The following DAPK1 variants were observed in gnomAD, a reference collection of about 807,000 sequenced individuals.
DAPK1 encodes the protein death-associated protein kinase 1.
Under a neutral mutation model 144.9 loss-of-function variants are expected in DAPK1, and 56 were observed. The observed-to-expected ratio is 0.39, with a 90% CI of 0.31 to 0.48. The LOEUF is 0.48. Ranked by LOEUF, DAPK1 falls within the 20% of genes least tolerant of loss-of-function variation. DAPK1 has a pLI of 0.95. For missense variants in DAPK1, 1,454 were observed against 1,875.4 expected (o/e 0.78, Z 4.15); for synonymous variants, 690 against 749.0 (o/e 0.92, Z 1.29).
intron 2 of DAPK1, among the ~76,000 whole-genome samples, chr9:87,570,993 A>C (rs923001604): frequency 6.6e-6 from 1 of 152,120 alleles, no homozygotes; most frequent in African/African-American, 2.4e-5. Context: ...ACTTGGTTTC[A>C]GTGAACTGGA....
At chr9:87,583,547 A>C (rs978229732) in intron 2 of DAPK1, among the ~76,000 whole-genome samples, 3 of 152,252 alleles carry the variant, frequency 2.0e-5, no homozygotes, top group African/African-American at 7.2e-5. Flanking sequence ...CAAGTTTAAG[A>C]AATGTCATGC....
intron 21 of DAPK1, among the ~76,000 whole-genome samples, chr9:87,689,964 T>C (rs1293088861): frequency 6.6e-6 from 1 of 152,224 alleles, no homozygotes; most frequent in Non-Finnish European, 1.5e-5. Flanking sequence ...TTCTTTACAC[T>C]CAGGATTGCT....
intron 18 of DAPK1, among the ~76,000 whole-genome samples, chr9:87,665,200 CTTG>C (rs35983169): frequency 0.079 from 11,034 of 139,084 alleles, 1,245 homozygotes; most frequent in African/African-American, 0.26. Context: ...CTATTTGTTT[CTTG>C]TTGGCTCTCC....
chr9:87,625,833 T>G (rs1829471318), intron 3 of DAPK1, among the ~76,000 whole-genome samples: 1 of 152,218 alleles, frequency 6.6e-6, no homozygotes, highest in Non-Finnish European at 1.5e-5. Flanking sequence ...AAAACATCAC[T>G]TTAAGCAAAG....
At chr9:87,678,140 T>A (rs1189057004) in intron 19 of DAPK1, among the ~76,000 whole-genome samples, 3 of 152,212 alleles carry the variant, frequency 2.0e-5, no homozygotes, top group Non-Finnish European at 4.4e-5. Flanking sequence ...CCTCGTGTTC[T>A]ACAGATCATG....
At position 87,706,282 on chromosome 9, in the gene DAPK1, C is replaced by A; in HGVS notation, c.3211C>A (p.Arg1071Ser). The A allele has an allele frequency of 6.2e-7, 1 of 1,612,798 alleles. No individual in the cohort carries two copies. Among genetic ancestry groups the A allele is most frequent in the Non-Finnish European group, 8.5e-7 (1 of 1,179,236 alleles). ...RGRYTVEDIQ[R>S]LVPDSDVEEL... ...CCGCTACACCGTGGAGGACATCCAGCGCCTGGTGCCCGACAGCGACGTGGA... is the reference window on the plus strand; with the variant it reads ...CCGCTACACCGTGGAGGACATCCAGAGCCTGGTGCCCGACAGCGACGTGGA... The change falls in exon 26 of 26, where the codon CGC becomes AGC. Residue 1071 changes from arginine to serine, a missense_variant. Physicochemically the swap from Arg to Ser is moderately radical, Grantham distance 110. Around this residue, in one of 2 missense-constraint regions of DAPK1, gnomAD observed 1,025 missense variants for 1,237.9 expected, o/e 0.83. Coordinates refer to ENST00000408954, the MANE Select transcript of DAPK1 (RefSeq NM_004938.4). The surrounding 1 kb of genome is among the most constrained non-coding windows in gnomAD (Gnocchi z 9.0).
Position 87,634,176 on chromosome 9 carries a change from C to A in DAPK1, c.285-3767C>A, listed in dbSNP as rs36210667. ...TGTGGCTGCTTTCATGATACATTAG[C>A]AGAGCTGAGTAGTTGGGACAGACTG... On this transcript the variant is annotated intron_variant, in intron 3 of 25. Transcript: ENST00000408954. 1.3e-3 allele frequency among the ~76,000 whole-genome samples: 197 copies of A among 152,348 alleles called. 1 individual carries two copies. Among genetic ancestry groups the A allele is most frequent in the African/African-American group, 4.5e-3 (189 of 41,582 alleles).
chr9:87,669,354 C>T (rs1173717113), intron 19 of DAPK1, among the ~76,000 whole-genome samples: 1 of 144,270 alleles, frequency 6.9e-6, no homozygotes, highest in East Asian at 2.2e-4. Context: ...GGGGGGGGGT[C>T]ACTGGGCTTC....
At chr9:87,506,052 C>G (rs991185160) in intron 2 of DAPK1, among the ~76,000 whole-genome samples, 6 of 152,190 alleles carry the variant, frequency 3.9e-5, no homozygotes, top group African/African-American at 1.4e-4. Context: ...ATTTTATCCA[C>G]CTGTGTTTAG....
At chr9:87,624,982 A>G (rs551318130) in intron 3 of DAPK1, among the ~76,000 whole-genome samples, 4 of 152,318 alleles carry the variant, frequency 2.6e-5, no homozygotes, top group South Asian at 2.1e-4. Flanking sequence ...AGTAGTTGAC[A>G]AACTACAGCC....
At chr9:87,679,035 T>G (rs1824505949) in intron 19 of DAPK1, among the ~76,000 whole-genome samples, 1 of 152,088 alleles carries the variant, frequency 6.6e-6, no homozygotes, top group South Asian at 2.1e-4. Context: ...CAGAAGTAAG[T>G]GAGCGCCTCC....
In DAPK1 at chr9:87,639,781, G is replaced by A. The variant is rs1225861498; in HGVS notation, c.603-8G>A. 6.2e-7 allele frequency: 1 copy of A among 1,613,464 alleles called. No homozygotes were observed. The highest frequency in any genetic ancestry group is 8.5e-7 in the Non-Finnish European group (1 of 1,179,612). On this transcript the variant is annotated splice_region_variant and splice_polypyrimidine_tract_variant and intron_variant, in intron 6 of 25. Coordinates refer to ENST00000408954, the MANE Select transcript of DAPK1 (RefSeq NM_004938.4). ...CATGTTTTTTTGTTTGTTTTGTGTTGTTTTTAGGAGTATCGGGGTAATAAC... is the reference window on the plus strand; with the variant it reads ...CATGTTTTTTTGTTTGTTTTGTGTTATTTTTAGGAGTATCGGGGTAATAAC...
In DAPK1 at chr9:87,516,759, C is replaced by T. The variant is rs185176506; in HGVS notation, c.62+17620C>T. ...CTTCCTACAGTATGTAGGCACCCTG[C>T]GATTGGGGCATTTTCCCATGTGCTA... On this transcript the variant is annotated intron_variant, in intron 2 of 25. Transcript: ENST00000408954. Among the ~76,000 whole-genome samples the T allele has an allele frequency of 1.8e-3, 274 of 152,172 alleles. 1 individual carries two copies. Among genetic ancestry groups the T allele is most frequent in the Non-Finnish European group, 2.8e-3 (188 of 68,012 alleles).
At chr9:87,695,874 C>T (rs1011380708) in intron 21 of DAPK1, among the ~76,000 whole-genome samples, 1 of 152,184 alleles carries the variant, frequency 6.6e-6, no homozygotes, top group South Asian at 2.1e-4. Flanking sequence ...TCTTTTCACC[C>T]ACCTTCTCTC....
rs142749806 is a variant in DAPK1, at chr9:87,514,059, G to C, written c.62+14920G>C. 2.5e-3 allele frequency among the ~76,000 whole-genome samples: 388 copies of C among 152,286 alleles called. 1 individual carries two copies. Among genetic ancestry groups the C allele is most frequent in the African/African-American group, 9.0e-3 (373 of 41,546 alleles). On this transcript the variant is annotated intron_variant, in intron 2 of 25. Coordinates refer to ENST00000408954, the MANE Select transcript of DAPK1 (RefSeq NM_004938.4). ...TGTCTCCAGACATTGCTAAATGTGTGAGGGGGCGCAAAATTCCCCCACCCT... is the reference window on the plus strand; with the variant it reads ...TGTCTCCAGACATTGCTAAATGTGTCAGGGGGCGCAAAATTCCCCCACCCT...
chr9:87,596,986 C>T (rs1348399407), intron 2 of DAPK1, among the ~76,000 whole-genome samples: 1 of 152,080 alleles, frequency 6.6e-6, no homozygotes, highest in Non-Finnish European at 1.5e-5. Flanking sequence ...TGACGGCTCA[C>T]GCACGTGCCT....
chr9:87,596,169 G>T (rs1287570975), intron 2 of DAPK1, among the ~76,000 whole-genome samples: 1 of 152,124 alleles, frequency 6.6e-6, no homozygotes, highest in African/African-American at 2.4e-5. Context: ...TGAAATCCGT[G>T]AACATGTTGG....
At chr9:87,638,104 G>C (rs1315345137) in intron 4 of DAPK1, 23 bp downstream of exon 4, 1 of 1,597,834 alleles carries the variant, frequency 6.3e-7, no homozygotes, top group East Asian at 2.2e-5. Context: ...GTGTAAGCCA[G>C]ATAGAAGCTT....
At position 87,676,336 on chromosome 9, in the gene DAPK1, G is replaced by A. The variant is rs532395683; in HGVS notation, c.2002-5068G>A. ...AGACCTGGCCTGGAGCCCTCTCTGA[G>A]TTGGAGATAGATCATTACGTGGATG... On this transcript the variant is annotated intron_variant, in intron 19 of 25. Transcript: ENST00000408954. Among the ~76,000 whole-genome samples, 8 of 152,258 alleles carry A rather than the reference G, an allele frequency of 5.3e-5. No individual in the cohort carries two copies. The South Asian group carries it at 6.2e-4, about 12-fold the overall frequency.
Sources: gnomAD v4.1 joint callset for allele counts (sites outside exome capture counted in the v4.1 genomes callset) on GRCh38, gnomAD v4.1.1 for gene constraint, gnomAD v4.1.1 regional missense constraint, Gnocchi (gnomAD v3.1) non-coding constraint, MANE v1.5 for transcripts, NCBI Gene and HGNC (gene_info 2026-07-23, HGNC 2026-07-21) for gene names.